PLEKHA2: variants seen among roughly 807,000 people sequenced by gnomAD.
The protein encoded by PLEKHA2 is pleckstrin homology domain containing A2.
In PLEKHA2, 28 loss-of-function variants were observed where a neutral mutation model predicts 53.2. That is an observed-to-expected ratio of 0.53 (90% CI 0.39 to 0.72). The LOEUF is 0.72. PLEKHA2 is among the 30% of genes least tolerant of loss of function. The probability of loss-of-function intolerance (pLI) is 0.00; values close to 1 mark genes in which losing one functional copy is unlikely to be tolerated. For synonymous variants in PLEKHA2, 193 were observed against 196.4 expected (o/e 0.98, Z 0.14); for missense variants, 426 against 537.9 (o/e 0.79, Z 2.06).
At position 38,931,855 on chromosome 8, in the gene PLEKHA2, C is replaced by G. The variant is rs1447872946; in HGVS notation, c.142-4139C>G. On this transcript the variant is annotated intron_variant, in intron 2 of 11. Coordinates refer to ENST00000617275, the MANE Select transcript of PLEKHA2 (RefSeq NM_021623.2). ...GATTTTGTCCTGTTGACCAGCTGTT[C>G]TTAAACTTGGGCCTGTTGAGGGATC... Among the ~76,000 whole-genome samples the G allele has an allele frequency of 5.9e-5, 9 of 152,280 alleles. No homozygotes were observed. The East Asian group carries it at 1.7e-3, about 29-fold the overall frequency.
Position 38,918,007 on chromosome 8 carries a change from G to C in PLEKHA2, c.78G>C (p.Leu26=). The part of the protein sequence containing the change: ...IEEHENSGKF[L]RRYFILDTQA... The stretch of plus-strand genomic sequence containing the variant: ...AGCATGAGAACAGCGGCAAGTTTCT[G>C]CGGAGGTACTTCATTCTGGACACCC... Residue 26 remains leucine (L), a synonymous_variant, in exon 2 of 12, where the codon CTG becomes CTC. Transcript: ENST00000617275. 6.2e-7 allele frequency: 1 copy of C among 1,613,626 alleles called. No individual in the cohort carries two copies. The highest frequency in any genetic ancestry group is 8.5e-7 in the Non-Finnish European group (1 of 1,179,696).
rs778419399 is a variant in PLEKHA2, at chr8:38,952,242, C to T, written c.563C>T (p.Thr188Met). 102 of 1,612,710 alleles carry T rather than the reference C, an allele frequency of 6.3e-5. No homozygotes were observed. The highest frequency in any genetic ancestry group is 7.8e-5 in the Non-Finnish European group (92 of 1,179,502). Residue 188 changes from threonine (T) to methionine (M), a missense_variant, in exon 7 of 12, where the codon ACG (threonine) becomes ATG (methionine). By Grantham distance (81) the Thr-to-Met change is moderately conservative. Transcript: ENST00000617275. Reference protein sequence around the residue: ...ILRRSQSYIPTSGCRASTGPP... With the variant: ...ILRRSQSYIPMSGCRASTGPP... ...CGAAGGTCTCAGAGTTACATCCCCACGTCAGGCTGCCGTGCTTCCACTGGG... is the reference window on the plus strand; with the variant it reads ...CGAAGGTCTCAGAGTTACATCCCCATGTCAGGCTGCCGTGCTTCCACTGGG...
At position 38,968,686 on chromosome 8, in the gene PLEKHA2, C is replaced by T. The variant is rs1404007516; in HGVS notation, c.915+17C>T. On this transcript the variant is annotated intron_variant, in intron 11 of 11. Transcript: ENST00000617275. ...CACCCCAGAGTAAGTCACTTCCTTTCTGTTGCACAGTGTCAACTCAGAGAT... is the reference window on the plus strand; with the variant it reads ...CACCCCAGAGTAAGTCACTTCCTTTTTGTTGCACAGTGTCAACTCAGAGAT... 2 of 1,613,380 alleles carry T rather than the reference C, an allele frequency of 1.2e-6. No homozygotes were observed. Among genetic ancestry groups the T allele is most frequent in the South Asian group, 2.2e-5 (2 of 91,046 alleles).
chr8:38,952,491 C>T, intron 7 of PLEKHA2, 145 bp from the exon 8 acceptor site: 3 of 1,277,992 alleles, frequency 2.3e-6, no homozygotes, highest in Non-Finnish European at 3.2e-6. Flanking sequence ...GAGGTGTTGC[C>T]CCTGATATGA....
chr8:38,904,768 C>T (rs911831880), intron 1 of PLEKHA2, among the ~76,000 whole-genome samples: 3 of 152,192 alleles, frequency 2.0e-5, no homozygotes, highest in Non-Finnish European at 4.4e-5. Context: ...CATTTGCTCA[C>T]TGGAGTTAGA....
chr8:38,944,992 G>A (rs1348777650), intron 4 of PLEKHA2, among the ~76,000 whole-genome samples: 3 of 152,178 alleles, frequency 2.0e-5, no homozygotes, highest in Non-Finnish European at 4.4e-5. Context: ...CCAGGAAGGG[G>A]ATAAGACAAA....
At position 38,952,236 on chromosome 8, in the gene PLEKHA2, T is replaced by A. The variant is rs59439576; in HGVS notation, c.557T>A (p.Ile186Asn). Residue 186 changes from isoleucine to asparagine, a missense_variant, in exon 7 of 12, where the codon ATC becomes AAC. Coordinates refer to ENST00000617275, the MANE Select transcript of PLEKHA2 (RefSeq NM_021623.2). ...HTILRRSQSY[I>N]PTSGCRASTG... ...ATCCTTCGAAGGTCTCAGAGTTACA[T>A]CCCCACGTCAGGCTGCCGTGCTTCC... 2,185 of 1,612,910 alleles carry A rather than the reference T, an allele frequency of 1.4e-3. 26 individuals are homozygous for A. In the African/African-American group the frequency reaches 0.025, roughly 19 times the overall value.
At chr8:38,911,993 A>G (rs987760263) in intron 1 of PLEKHA2, among the ~76,000 whole-genome samples, 15 of 151,604 alleles carry the variant, frequency 9.9e-5, no homozygotes, top group African/African-American at 3.6e-4. Flanking sequence ...TAAAAACATA[A>G]AATGAAATTT....
At chr8:38,913,793 A>G (rs1418167626) in intron 1 of PLEKHA2, among the ~76,000 whole-genome samples, 2 of 151,970 alleles carry the variant, frequency 1.3e-5, no homozygotes, top group Non-Finnish European at 2.9e-5. Context: ...CTTTGACCCA[A>G]TGTCTGCTGG....
intron 4 of PLEKHA2, among the ~76,000 whole-genome samples, chr8:38,945,437 G>A (rs73674653): frequency 0.04 from 6,087 of 152,228 alleles, 424 homozygotes; most frequent in African/African-American, 0.14. Context: ...TCCCTTGAGC[G>A]ATTCTGTCTC....
intron 2 of PLEKHA2, among the ~76,000 whole-genome samples, chr8:38,924,097 C>T (rs958147677): frequency 6.6e-6 from 1 of 152,086 alleles, no homozygotes; most frequent in African/African-American, 2.4e-5. Flanking sequence ...GGTGATCCAC[C>T]CACCTCGGCA....
At chr8:38,947,442 C>T (rs1834735499) in intron 5 of PLEKHA2, among the ~76,000 whole-genome samples, 1 of 151,876 alleles carries the variant, frequency 6.6e-6, no homozygotes, top group South Asian at 2.1e-4. Context: ...AAGAGTGAAA[C>T]TCCACCTCAA....
intron 2 of PLEKHA2, among the ~76,000 whole-genome samples, chr8:38,924,059 C>G (rs1834240288): frequency 6.6e-6 from 1 of 152,078 alleles, no homozygotes; most frequent in Non-Finnish European, 1.5e-5. Context: ...ACCACGTTGG[C>G]TAGGCTGGTC....
intron 10 of PLEKHA2, among the ~76,000 whole-genome samples, chr8:38,960,454 G>C (rs1312275378): frequency 6.6e-6 from 1 of 151,996 alleles, no homozygotes. Context: ...ACTCCGGCCT[G>C]GGTGACAAAT....
intron 9 of PLEKHA2, among the ~76,000 whole-genome samples, chr8:38,954,982 C>T (rs1384159144): frequency 6.6e-6 from 1 of 152,136 alleles, no homozygotes; most frequent in Non-Finnish European, 1.5e-5. Context: ...TGCAGTGAGC[C>T]AAGATCGTGC....
At chr8:38,936,200 G>T in intron 3 of PLEKHA2, 150 bp downstream of exon 3, 3 of 843,708 alleles carry the variant, frequency 3.6e-6, no homozygotes, top group Non-Finnish European at 5.8e-6. Flanking sequence ...TGCCTGTGGA[G>T]GCTTAGCTGC....
intron 2 of PLEKHA2, among the ~76,000 whole-genome samples, chr8:38,933,996 T>G (rs1750408548): frequency 6.6e-6 from 1 of 151,848 alleles, no homozygotes; most frequent in Non-Finnish European, 1.5e-5. Context: ...TGAGAATACC[T>G]TTTTTGGTAG....
chr8:38,931,629 T>G (rs1834394983), intron 2 of PLEKHA2, among the ~76,000 whole-genome samples: 1 of 152,250 alleles, frequency 6.6e-6, no homozygotes, highest in Non-Finnish European at 1.5e-5. Flanking sequence ...GCATTGGTCT[T>G]CCAGTACTTT....
intron 1 of PLEKHA2, among the ~76,000 whole-genome samples, chr8:38,907,656 G>T (rs1306127951): frequency 6.6e-6 from 1 of 151,802 alleles, no homozygotes; most frequent in Non-Finnish European, 1.5e-5. Context: ...AGCCACTCAG[G>T]AGGCTGAGGT....
Sources: gnomAD v4.1 joint callset for allele counts (sites outside exome capture counted in the v4.1 genomes callset) on GRCh38, gnomAD v4.1.1 for gene constraint, MANE v1.5 for transcripts, NCBI Gene and HGNC (gene_info 2026-07-23, HGNC 2026-07-21) for gene names.